The following TP73 variants were observed in gnomAD, a reference collection of about 807,000 sequenced individuals.
TP73 encodes p53-like transcription factor.
TP73 carries 25 observed loss-of-function variants against 62.5 expected under a neutral mutation model. That is an observed-to-expected ratio of 0.40 (90% CI 0.29 to 0.56). TP73 has a LOEUF of 0.56. Among genes scored for constraint, TP73 ranks in the 20% least tolerant of loss-of-function variants. TP73 has a pLI of 0.46. For missense variants in TP73, 754 were observed against 913.3 expected (o/e 0.83, Z 2.25); for synonymous variants, 423 against 377.5 (o/e 1.12, Z -1.40).
In TP73 at chr1:3,681,917, A is replaced by G. The variant is rs955463109; in HGVS notation, c.-33-416A>G. Among the ~76,000 whole-genome samples, 14 of 109,146 alleles carry G rather than the reference A, an allele frequency of 1.3e-4. 1 individual carries two copies. In the Admixed American group the frequency reaches 1.3e-3, roughly 10 times the overall value. 71.6% of individuals were successfully genotyped at this position (109,146 alleles called of 152,430 possible). ...AGCATCCCCCAGGCCAAACCTAGACACAGTGGATCATAACAGACCACAGGC... is the reference window on the plus strand; with the variant it reads ...AGCATCCCCCAGGCCAAACCTAGACGCAGTGGATCATAACAGACCACAGGC... On this transcript the variant is annotated intron_variant, in intron 1 of 13. Transcript: ENST00000378295.
chr1:3,708,817 G>A (rs1639890079), intron 4 of TP73, among the ~76,000 whole-genome samples: 1 of 152,178 alleles, frequency 6.6e-6, no homozygotes, highest in Non-Finnish European at 1.5e-5. Flanking sequence ...ATGGCTGCAG[G>A]AGGGGCTCTA....
intron 1 of TP73, among the ~76,000 whole-genome samples, chr1:3,679,146 C>T (rs563590407): frequency 3.9e-5 from 6 of 152,298 alleles, no homozygotes; most frequent in South Asian, 2.1e-4. Context: ...CAGGCAGAGG[C>T]GCGCTGACAA....
chr1:3,685,045 G>T (rs1275066309), intron 3 of TP73, among the ~76,000 whole-genome samples: 2 of 152,138 alleles, frequency 1.3e-5, no homozygotes, highest in African/African-American at 4.8e-5. Context: ...CTGGCCGCTG[G>T]ACCCCAGGGA....
At chr1:3,719,817 G>T (rs1034389529) in intron 4 of TP73, among the ~76,000 whole-genome samples, 4 of 152,198 alleles carry the variant, frequency 2.6e-5, no homozygotes, top group African/African-American at 9.7e-5. Context: ...AGCTCCGACA[G>T]TCCAGGGCAG....
chr1:3,703,406 C>G (rs1639377306), intron 3 of TP73, among the ~76,000 whole-genome samples: 1 of 152,164 alleles, frequency 6.6e-6, no homozygotes, highest in African/African-American at 2.4e-5. Flanking sequence ...GCTAAGGGAG[C>G]CTGCCTGGGG....
At chr1:3,673,388 C>G (rs1415924707) in intron 1 of TP73, among the ~76,000 whole-genome samples, 1 of 152,198 alleles carries the variant, frequency 6.6e-6, no homozygotes, top group African/African-American at 2.4e-5. Flanking sequence ...TACTAAATAA[C>G]CGTCGGTCAA....
chr1:3,690,886 C>A (rs1225574879), intron 3 of TP73: 1 of 1,569,580 alleles, frequency 6.4e-7, no homozygotes, highest in Middle Eastern at 1.7e-4. Context: ...CTGGCGTGTG[C>A]AGACCCCCCG....
rs1369977795 is a variant in TP73, at chr1:3,699,856, C to G, written c.187-7693C>G. Among the ~76,000 whole-genome samples, 1 of 152,064 alleles carries G rather than the reference C, an allele frequency of 6.6e-6. No individual in the cohort carries two copies. The highest frequency in any genetic ancestry group is 1.5e-5 in the Non-Finnish European group (1 of 67,998). On this transcript the variant is annotated intron_variant, in intron 3 of 13. Coordinates refer to ENST00000378295, the MANE Select transcript of TP73 (RefSeq NM_005427.4). The surrounding 1 kb of genome is among the most constrained non-coding windows in gnomAD (Gnocchi z 4.1). ...CCTACTACGCTTTTTCACGTGCCTCCCTCTCTGACTCGGATCCTAAGTGAT... is the reference window on the plus strand; with the variant it reads ...CCTACTACGCTTTTTCACGTGCCTCGCTCTCTGACTCGGATCCTAAGTGAT...
chr1:3,665,854 A>C (rs1286415563), intron 1 of TP73, among the ~76,000 whole-genome samples: 2 of 132,974 alleles, frequency 1.5e-5, no homozygotes, highest in African/African-American at 5.8e-5. Context: ...AGACAGAATC[A>C]CCAGGCAAGG....
At chr1:3,653,857 C>A (rs943446469) in intron 1 of TP73, among the ~76,000 whole-genome samples, 1 of 152,166 alleles carries the variant, frequency 6.6e-6, no homozygotes, top group Non-Finnish European at 1.5e-5. Context: ...GTATGCATTA[C>A]GTATGTAGTT....
rs189607882 is a variant in TP73 at position 3,722,582 on chromosome 1, C to T, written c.616+375C>T. On this transcript the variant is annotated intron_variant, in intron 5 of 13. Coordinates refer to ENST00000378295, the MANE Select transcript of TP73 (RefSeq NM_005427.4). Reference sequence around the variant, plus strand: ...GGCAGGCACCCCCAGAGCACAAGGGCTGCCAGCTGGCCTGAGCCTCACCTG... The same window carrying T: ...GGCAGGCACCCCCAGAGCACAAGGGTTGCCAGCTGGCCTGAGCCTCACCTG... 3.3e-4 allele frequency among the ~76,000 whole-genome samples: 50 copies of T among 152,356 alleles called. 1 individual carries two copies. The highest frequency in any genetic ancestry group is 6.8e-3 in the Middle Eastern group (2 of 294).
rs1570613606 is a variant in TP73 at position 3,724,245 on chromosome 1, T to C, written c.732+776T>C. Among the ~76,000 whole-genome samples, 5 of 151,868 alleles carry C rather than the reference T, an allele frequency of 3.3e-5. No individual in the cohort carries two copies. The South Asian group carries it at 1.0e-3, about 32-fold the overall frequency. Reference sequence around the variant, plus strand: ...GGTGGGGCAGGGGCAGAACAGGAGGTGAGGAGTGGGTACCAGGCCCCCAGG... The same window carrying C: ...GGTGGGGCAGGGGCAGAACAGGAGGCGAGGAGTGGGTACCAGGCCCCCAGG... On this transcript the variant is annotated intron_variant, in intron 6 of 13. Coordinates refer to ENST00000378295, the MANE Select transcript of TP73 (RefSeq NM_005427.4).
At position 3,707,947 on chromosome 1, in the gene TP73, G is replaced by A. The variant is rs543073610; in HGVS notation, c.429+156G>A. ...CCAGGAGGAGCATCGGGCAGGAGGC[G>A]GGTCTCAGGGCCGGGCAGTCTGGGT... On this transcript the variant is annotated intron_variant, in intron 4 of 13. Transcript: ENST00000378295. 738 of 1,278,644 alleles carry A rather than the reference G, an allele frequency of 5.8e-4. 1 individual carries two copies. The highest frequency in any genetic ancestry group is 2.6e-3 in the African/African-American group (177 of 67,344). The allele number at this position is 1,278,644 out of a possible 1,614,324, so 79.2% of individuals were successfully genotyped here. A position where few individuals can be genotyped will look rare whatever the true frequency, so the allele number is the denominator to read the frequency against.
intron 4 of TP73, among the ~76,000 whole-genome samples, chr1:3,719,603 C>T (rs922385710): frequency 1.3e-5 from 2 of 152,234 alleles, no homozygotes; most frequent in South Asian, 2.1e-4. Flanking sequence ...CCTGAGGGTC[C>T]GAGTCCCAGA....
intron 11 of TP73, among the ~76,000 whole-genome samples, chr1:3,730,498 G>T (rs1157189087): frequency 1.3e-5 from 2 of 152,186 alleles, no homozygotes; most frequent in Admixed American, 6.5e-5. Context: ...AGGAATAAAT[G>T]GTGCAAGACC....
intron 3 of TP73, among the ~76,000 whole-genome samples, chr1:3,691,559 G>T (rs1414680957): frequency 6.6e-6 from 1 of 152,156 alleles, no homozygotes. Flanking sequence ...TGGCTTGGAA[G>T]AGGGGAGGGA....
chr1:3,706,423 A>T (rs1176616332), intron 3 of TP73, among the ~76,000 whole-genome samples: 2 of 142,524 alleles, frequency 1.4e-5, no homozygotes, highest in South Asian at 2.4e-4. Flanking sequence ...AGGCCCGGGG[A>T]GGGGGGTAAT....
chr1:3,727,298 A>G, intron 7 of TP73, 74 bp downstream of exon 7: 10 of 1,402,376 alleles, frequency 7.1e-6, no homozygotes, highest in Non-Finnish European at 8.9e-6. Context: ...GGGAGCTGTC[A>G]TGGAGACCTG....
intron 1 of TP73, among the ~76,000 whole-genome samples, chr1:3,679,106 G>A (rs1287485418): frequency 1.3e-5 from 2 of 152,200 alleles, no homozygotes; most frequent in Non-Finnish European, 2.9e-5. Context: ...AGTGGGTGCC[G>A]GTCAGGGGAT....
Sources: allele counts gnomAD v4.1 joint callset (sites outside exome capture counted in the v4.1 genomes callset), GRCh38; gene constraint gnomAD v4.1.1; non-coding constraint Gnocchi (gnomAD v3.1); transcripts MANE v1.5; gene names NCBI Gene and HGNC (gene_info 2026-07-23, HGNC 2026-07-21).